Variants in ENPP6 observed in about 807,000 individuals in gnomAD.
The protein encoded by ENPP6 is glycerophosphocholine cholinephosphodiesterase ENPP6.
In ENPP6, 32 loss-of-function variants were observed where a neutral mutation model predicts 42.0. That is an observed-to-expected ratio of 0.76 (90% CI 0.58 to 1.02). The LOEUF is 1.02. Among genes scored for constraint, ENPP6 ranks in the 50% least tolerant of loss-of-function variants. The probability of loss-of-function intolerance (pLI) is 0.00; values close to 1 mark genes in which losing one functional copy is unlikely to be tolerated. For missense variants in ENPP6, 552 were observed against 566.8 expected (o/e 0.97, Z 0.27); for synonymous variants, 213 against 216.0 (o/e 0.99, Z 0.12).
At position 184,097,284 on chromosome 4, in the gene ENPP6, G is replaced by T; in HGVS notation, c.1078C>A (p.Leu360Ile). The change falls in exon 7 of 8, where the codon CTC (leucine) becomes ATC (isoleucine). Residue 360 changes from leucine (L) to isoleucine (I), a missense_variant. Coordinates refer to ENST00000296741, the MANE Select transcript of ENPP6 (RefSeq NM_153343.4). Reference protein sequence around the residue: ...QRGWHGYDNELMDMRGIFLAF... With the variant: ...QRGWHGYDNEIMDMRGIFLAF... ...AGGAAGATGCCCCGCATGTCCATGAGCTCGTTGTCGTAGCCGTGCCATCCA... is the reference window on the plus strand; with the variant it reads ...AGGAAGATGCCCCGCATGTCCATGATCTCGTTGTCGTAGCCGTGCCATCCA... 6.2e-7 allele frequency: 1 copy of T among 1,614,208 alleles called. No homozygotes were observed. The highest frequency in any genetic ancestry group is 8.5e-7 in the Non-Finnish European group (1 of 1,180,036).
chr4:184,205,152 C>T (rs1264434865), intron 1 of ENPP6, among the ~76,000 whole-genome samples: 4 of 152,100 alleles, frequency 2.6e-5, no homozygotes, highest in Non-Finnish European at 4.4e-5. Context: ...AGGCTGGTCT[C>T]GAACTCCTGA....
At position 184,102,593 on chromosome 4, in the gene ENPP6, C is replaced by T. The variant is rs144790524; in HGVS notation, c.994-5225G>A. Among the ~76,000 whole-genome samples the T allele has an allele frequency of 4.8e-3, 730 of 152,338 alleles. 9 individuals are homozygous for T. Among genetic ancestry groups the T allele is most frequent in the African/African-American group, 0.017 (695 of 41,562 alleles). On this transcript the variant is annotated intron_variant, in intron 6 of 7. Transcript: ENST00000296741. ...TCCGGCCTCCAGCTGTGTCCTGCAT[C>T]CCTAAATGTCTCCTCCCGAGGTGGC...
intron 6 of ENPP6, among the ~76,000 whole-genome samples, chr4:184,111,850 A>T (rs933332914): frequency 6.6e-6 from 1 of 152,118 alleles, no homozygotes; most frequent in African/African-American, 2.4e-5. Flanking sequence ...GCCTGTCCTC[A>T]TGCCCCGGGG....
At chr4:184,098,536 C>G (rs1204875620) in intron 6 of ENPP6, among the ~76,000 whole-genome samples, 2 of 152,190 alleles carry the variant, frequency 1.3e-5, no homozygotes, top group Non-Finnish European at 2.9e-5. Context: ...TCCTCTCCTC[C>G]GTTAATGAGC....
chr4:184,200,631 T>C (rs528993167), intron 1 of ENPP6, among the ~76,000 whole-genome samples: 6 of 152,356 alleles, frequency 3.9e-5, no homozygotes, highest in Non-Finnish European at 8.8e-5. Context: ...TCCAAGTCCC[T>C]GCGGACTGTG....
chr4:184,094,468 C>T (rs541973177), intron 7 of ENPP6, among the ~76,000 whole-genome samples: 4 of 152,202 alleles, frequency 2.6e-5, no homozygotes, highest in African/African-American at 4.8e-5. Context: ...CCTCCTGCTG[C>T]GCAGGGATAG....
intron 1 of ENPP6, among the ~76,000 whole-genome samples, chr4:184,215,291 T>A (rs1426111814): frequency 6.6e-6 from 1 of 152,206 alleles, no homozygotes; most frequent in Non-Finnish European, 1.5e-5. Flanking sequence ...GCATATCTTT[T>A]GCTTCCAAAA....
intron 7 of ENPP6, among the ~76,000 whole-genome samples, chr4:184,096,709 G>C (rs895388268): frequency 3.3e-5 from 5 of 152,070 alleles, no homozygotes; most frequent in Admixed American, 3.3e-4. Flanking sequence ...GGCAACCCTC[G>C]TCATTCTGGC....
chr4:184,160,231 G>A (rs1406097832), intron 1 of ENPP6, among the ~76,000 whole-genome samples: 1 of 152,148 alleles, frequency 6.6e-6, no homozygotes. Flanking sequence ...TCTCCATACT[G>A]TTTTCAATAG....
intron 1 of ENPP6, among the ~76,000 whole-genome samples, chr4:184,212,331 T>C (rs1292776803): frequency 6.6e-6 from 1 of 150,450 alleles, no homozygotes; most frequent in Non-Finnish European, 1.5e-5. Context: ...ATTGTATATC[T>C]AGAAAACCCC....
At chr4:184,146,426 T>C (rs1736923483) in intron 2 of ENPP6, among the ~76,000 whole-genome samples, 1 of 99,236 alleles carries the variant, frequency 1.0e-5, no homozygotes, top group Admixed American at 9.2e-5. Flanking sequence ...CGAGACTCCG[T>C]TTCAAAAAAA....
At chr4:184,131,393 G>A (rs56176514) in intron 2 of ENPP6, among the ~76,000 whole-genome samples, 94,893 of 146,550 alleles carry the variant, frequency 0.65, 30,932 homozygotes, top group Non-Finnish European at 0.68. Context: ...TCCCTCTGTC[G>A]CCCAGGCTGG....
At chr4:184,133,819 T>C (rs1351400946) in intron 2 of ENPP6, among the ~76,000 whole-genome samples, 1 of 151,992 alleles carries the variant, frequency 6.6e-6, no homozygotes, top group African/African-American at 2.4e-5. Context: ...TCTACTGAAA[T>C]GATTAGATGA....
chr4:184,127,093 T>C (rs544335259), intron 2 of ENPP6, among the ~76,000 whole-genome samples: 31 of 152,186 alleles, frequency 2.0e-4, no homozygotes, highest in Non-Finnish European at 4.3e-4. Context: ...GATTATTGAC[T>C]AAATCAAAAT....
chr4:184,155,607 A>T (rs1468455758), intron 1 of ENPP6, among the ~76,000 whole-genome samples: 2 of 152,172 alleles, frequency 1.3e-5, no homozygotes, highest in Non-Finnish European at 2.9e-5. Flanking sequence ...AGACATGGGA[A>T]TAATAGGGAG....
intron 1 of ENPP6, among the ~76,000 whole-genome samples, chr4:184,182,337 C>T (rs181256925): frequency 3.2e-4 from 48 of 152,100 alleles, no homozygotes; most frequent in Middle Eastern, 3.4e-3. Flanking sequence ...GTCAGAACGG[C>T]GATTACTAGG....
chr4:184,147,723 C>T (rs1488813616), intron 2 of ENPP6, among the ~76,000 whole-genome samples: 1 of 151,908 alleles, frequency 6.6e-6, no homozygotes, highest in African/African-American at 2.4e-5. Context: ...ATCCTTTGAG[C>T]CCAGGAGGTC....
rs17075337 is a variant in ENPP6, at chr4:184,141,254, C to T, written c.421+12300G>A. Among the ~76,000 whole-genome samples, 1,197 of 152,274 alleles carry T rather than the reference C, an allele frequency of 7.9e-3. 21 individuals are homozygous for T. Among genetic ancestry groups the T allele is most frequent in the African/African-American group, 0.027 (1,132 of 41,554 alleles). On this transcript the variant is annotated intron_variant, in intron 2 of 7. Coordinates refer to ENST00000296741, the MANE Select transcript of ENPP6 (RefSeq NM_153343.4). ...GTCTGTGGGCCCCTCTCCTGTATCT[C>T]CCACAGGCTCAATCTGTGAAGTGGG... is the stretch of plus-strand genomic sequence containing the variant.
intron 1 of ENPP6, among the ~76,000 whole-genome samples, chr4:184,190,033 T>C (rs1342949723): frequency 6.6e-6 from 1 of 152,230 alleles, no homozygotes; most frequent in Non-Finnish European, 1.5e-5. Context: ...TTAAAAATCA[T>C]ATTCTCTTGC....
Sources: gnomAD v4.1 joint callset for allele counts (sites outside exome capture counted in the v4.1 genomes callset) on GRCh38, gnomAD v4.1.1 for gene constraint, MANE v1.5 for transcripts, NCBI Gene and HGNC (gene_info 2026-07-23, HGNC 2026-07-21) for gene names.